Variants in CPLX2 observed in about 807,000 individuals in gnomAD.
CPLX2 encodes the protein complexin 2, also known as complexin-2.
CPLX2 carries 5 observed loss-of-function variants against 16.3 expected under a neutral mutation model. The observed-to-expected ratio is 0.31, with a 90% CI of 0.16 to 0.64. The LOEUF (loss-of-function observed/expected upper bound fraction) is 0.64, where lower values mean the gene tolerates loss of function less well. Among genes scored for constraint, CPLX2 ranks in the 30% least tolerant of loss-of-function variants. The probability of loss-of-function intolerance (pLI) is 0.79; values close to 1 mark genes in which losing one functional copy is unlikely to be tolerated. For synonymous variants in CPLX2, 89 were observed against 73.2 expected, an observed-to-expected ratio of 1.22 and a Z score of -1.10; for missense variants, 144 against 181.4, an observed-to-expected ratio of 0.79 and a Z score of 1.18.
intron 2 of CPLX2, among the ~76,000 whole-genome samples, chr5:175,860,690 T>C (rs948586723): frequency 1.3e-5 from 2 of 151,706 alleles, no homozygotes; most frequent in East Asian, 3.9e-4. Flanking sequence ...CTGACTCTCA[T>C]TGGCTTAGCT....
intron 2 of CPLX2, among the ~76,000 whole-genome samples, chr5:175,825,009 G>T (rs140391617): frequency 1.2e-4 from 18 of 152,254 alleles, no homozygotes; most frequent in East Asian, 7.7e-4. Context: ...CTGAGGAACT[G>T]GGATAGCATC....
intron 1 of CPLX2, among the ~76,000 whole-genome samples, chr5:175,802,157 C>T (rs1269336888): frequency 6.6e-6 from 1 of 152,160 alleles, no homozygotes; most frequent in Admixed American, 6.5e-5. Context: ...GGCCAGGAAA[C>T]ATCAGAAACC....
rs1755471896 is a variant in CPLX2, at chr5:175,878,638, A to G, written c.-88-14A>G. 7.2e-7 allele frequency: 1 copy of G among 1,391,036 alleles called. No individual in the cohort carries two copies. 86.2% of individuals were successfully genotyped at this position (1,391,036 alleles called of 1,614,324 possible). A position where few individuals can be genotyped will look rare whatever the true frequency, so the allele number is the denominator to read the frequency against. On this transcript the variant is annotated splice_polypyrimidine_tract_variant and intron_variant, in intron 1 of 3. Transcript: ENST00000393745. The stretch of plus-strand genomic sequence containing the variant: ...AGAGGCCTCTCCCATCTGACTCCCA[A>G]TTCTCTTCTGCAGGTTGTCACATCT...
chr5:175,861,094 T>C (rs1245743464), intron 2 of CPLX2, among the ~76,000 whole-genome samples: 1 of 152,046 alleles, frequency 6.6e-6, no homozygotes, highest in Non-Finnish European at 1.5e-5. Context: ...GGCCTCAGTC[T>C]GCAAATCCTG....
At chr5:175,827,165 C>T (rs1025937575) in intron 2 of CPLX2, among the ~76,000 whole-genome samples, 1 of 152,176 alleles carries the variant, frequency 6.6e-6, no homozygotes, top group Non-Finnish European at 1.5e-5. Context: ...CCCTTCCCTG[C>T]ACCAATCACT....
chr5:175,820,075 CTG>C (rs1758478109), intron 2 of CPLX2, among the ~76,000 whole-genome samples: 1 of 152,244 alleles, frequency 6.6e-6, no homozygotes, highest in Admixed American at 6.5e-5. Flanking sequence ...TGTCCCCAGC[CTG>C]AGACTGTGTT....
intron 2 of CPLX2, among the ~76,000 whole-genome samples, chr5:175,846,203 CT>C (rs1260330740): frequency 6.6e-6 from 1 of 152,212 alleles, no homozygotes; most frequent in Non-Finnish European, 1.5e-5. Flanking sequence ...TCTGCACCCC[CT>C]GATTCCTGGT....
At chr5:175,844,454 T>G (rs941708663) in intron 2 of CPLX2, among the ~76,000 whole-genome samples, 2 of 152,244 alleles carry the variant, frequency 1.3e-5, no homozygotes, top group Non-Finnish European at 2.9e-5. Flanking sequence ...CTCTTGAGGC[T>G]TCTGTCTGGT....
intron 2 of CPLX2, among the ~76,000 whole-genome samples, chr5:175,850,015 C>T: frequency 6.6e-6 from 1 of 152,248 alleles, no homozygotes; most frequent in East Asian, 1.9e-4. Flanking sequence ...ACACAGAAGT[C>T]ATCCTTGGGA....
At chr5:175,877,938 A>C (rs1456987744) in intron 1 of CPLX2, among the ~76,000 whole-genome samples, 1 of 152,236 alleles carries the variant, frequency 6.6e-6, no homozygotes, top group East Asian at 1.9e-4. Flanking sequence ...AGGTAGTTTA[A>C]AAGCCCTAAG....
intron 2 of CPLX2, among the ~76,000 whole-genome samples, chr5:175,811,239 G>C (rs1238379840): frequency 6.6e-6 from 1 of 152,220 alleles, no homozygotes; most frequent in Non-Finnish European, 1.5e-5. Context: ...AGTTAACAAA[G>C]TCATACTACC....
chr5:175,799,540 A>ATATATATATT (rs71702847), intron 1 of CPLX2, among the ~76,000 whole-genome samples: 2,708 of 28,096 alleles, frequency 0.096, 201 homozygotes, highest in African/African-American at 0.21. Context: ...TGCAAATTTC[A>ATATATATATT]TATATATATA....
rs1755473496 is a variant in CPLX2 at position 175,878,679 on chromosome 5, G to T, written c.-61G>T. On this transcript the variant is annotated 5_prime_UTR_variant, in exon 2 of 4. Coordinates refer to ENST00000393745, the MANE Select transcript of CPLX2 (RefSeq NM_001008220.2). ...TGTCACATCTTCCCAAGCCAGGCCA[G>T]CCAGGAGCGCTGCATGCAAATTCTG... 5.6e-6 allele frequency: 9 copies of T among 1,593,298 alleles called. No individual in the cohort carries two copies. The South Asian group carries it at 1.0e-4, about 18-fold the overall frequency.
intron 2 of CPLX2, among the ~76,000 whole-genome samples, chr5:175,850,821 G>A (rs1759136015): frequency 6.6e-6 from 1 of 152,118 alleles, no homozygotes; most frequent in African/African-American, 2.4e-5. Flanking sequence ...TGGGCTCACT[G>A]AGTCGGAACC....
upstream of CPLX2, among the ~76,000 whole-genome samples, chr5:175,870,080 C>T (rs1581101024): frequency 6.6e-6 from 1 of 152,290 alleles, no homozygotes; most frequent in East Asian, 1.9e-4. Flanking sequence ...TCACTCTAAT[C>T]AAAGAGCCTC....
chr5:175,840,465 A>G (rs1034578755), intron 2 of CPLX2, among the ~76,000 whole-genome samples: 1 of 152,264 alleles, frequency 6.6e-6, no homozygotes, highest in East Asian at 1.9e-4. Context: ...TGAGAAGGCC[A>G]AAAGAAGGCA....
At chr5:175,850,403 C>T (rs980657597) in intron 2 of CPLX2, among the ~76,000 whole-genome samples, 9 of 152,152 alleles carry the variant, frequency 5.9e-5, no homozygotes, top group Admixed American at 3.9e-4. Flanking sequence ...GCGCAGGGAG[C>T]CTCCAGAGGT....
Position 175,812,830 on chromosome 5 carries a change from C to T in CPLX2, c.-89+3762C>T, listed in dbSNP as rs114603642. On this transcript the variant is annotated intron_variant, in intron 2 of 4. Coordinates refer to the CPLX2 transcript ENST00000359546. ...AAATCCATTTCAACCACAAAAGCTT[C>T]GCTTTTATCTGTTGTATATGTTGGA... Among the ~76,000 whole-genome samples, 845 of 152,292 alleles carry T rather than the reference C, an allele frequency of 5.5e-3. 10 individuals are homozygous for T. The highest frequency in any genetic ancestry group is 0.019 in the African/African-American group (786 of 41,536).
Position 175,878,710 on chromosome 5 carries a change from G to A in CPLX2, c.-30G>A, listed in dbSNP as rs899428867. On this transcript the variant is annotated 5_prime_UTR_variant, in exon 2 of 4. The change creates a premature stop within an existing upstream ORF in the 5' untranslated region. Transcript: ENST00000393745. ...AGCGCTGCATGCAAATTCTGCCGTG[G>A]GCTAAGGCACGCTAACCAGAGCCGG... The A allele has an allele frequency of 3.7e-6, 6 of 1,611,600 alleles. No homozygotes were observed. In the African/African-American group the frequency reaches 5.3e-5, roughly 14 times the overall value.
Sources: gnomAD v4.1 joint callset for allele counts (sites outside exome capture counted in the v4.1 genomes callset) on GRCh38, gnomAD v4.1.1 for gene constraint, MANE v1.5 for transcripts, NCBI Gene and HGNC (gene_info 2026-07-23, HGNC 2026-07-21) for gene names.